The following RCAN2 variants were observed in gnomAD, a reference collection of about 807,000 sequenced individuals.
RCAN2 encodes the protein regulator of calcineurin 2.
A neutral mutation model predicts 23.6 loss-of-function variants in RCAN2; 9 were observed. The observed-to-expected ratio is 0.38, with a 90% CI of 0.23 to 0.67. The LOEUF (loss-of-function observed/expected upper bound fraction) is 0.67, where lower values mean the gene tolerates loss of function less well. Among genes scored for constraint, RCAN2 ranks in the 30% least tolerant of loss-of-function variants. The probability of loss-of-function intolerance (pLI) is 0.51; values close to 1 mark genes in which losing one functional copy is unlikely to be tolerated. For synonymous variants in RCAN2, 109 were observed against 115.7 expected (o/e 0.94, Z 0.37); for missense variants, 273 against 302.3 (o/e 0.90, Z 0.72).
chr6:46,327,528 C>A (rs1318815852), intron 2 of RCAN2, among the ~76,000 whole-genome samples: 1 of 152,168 alleles, frequency 6.6e-6, no homozygotes, highest in Non-Finnish European at 1.5e-5. Flanking sequence ...TACCAGGCAG[C>A]TTTTGAAAAG....
intron 2 of RCAN2, among the ~76,000 whole-genome samples, chr6:46,251,467 C>G (rs920553102): frequency 6.6e-6 from 1 of 152,010 alleles, no homozygotes; most frequent in Non-Finnish European, 1.5e-5. Flanking sequence ...GGACAGAATC[C>G]TTGGGTCTTC....
intron 2 of RCAN2, among the ~76,000 whole-genome samples, chr6:46,335,969 CA>C (rs932849122): frequency 2.7e-4 from 41 of 152,244 alleles, no homozygotes; most frequent in Admixed American, 1.2e-3. Context: ...GTAATTTGCC[CA>C]AGGACAACTA....
At chr6:46,478,441 G>GAA (rs57877040) in intron 1 of RCAN2, among the ~76,000 whole-genome samples, 13 of 151,456 alleles carry the variant, frequency 8.6e-5, no homozygotes, top group African/African-American at 3.1e-4. Flanking sequence ...ATTATGCACA[G>GAA]AAAAAAAAAG....
chr6:46,474,202 G>C (rs1293035073), intron 1 of RCAN2, among the ~76,000 whole-genome samples: 1 of 152,084 alleles, frequency 6.6e-6, no homozygotes, highest in Admixed American at 6.6e-5. Context: ...CAGACATTTA[G>C]AGAAAGGGTA....
At chr6:46,386,639 AAAACTAATGAGAT>A in intron 2 of RCAN2, among the ~76,000 whole-genome samples, 7 of 151,704 alleles carry the variant, frequency 4.6e-5, no homozygotes, top group African/African-American at 1.5e-4. Flanking sequence ...AACTAAACTA[AAAACTAATGAGAT>A]ACCATCTCAC....
intron 4 of RCAN2, among the ~76,000 whole-genome samples, chr6:46,226,101 T>C (rs778927548): frequency 1.3e-5 from 2 of 152,176 alleles, no homozygotes; most frequent in African/African-American, 2.4e-5. Flanking sequence ...GTTGTAGATA[T>C]GTGGTATTGT....
chr6:46,233,503 A>C (rs775901415), intron 4 of RCAN2, among the ~76,000 whole-genome samples: 2 of 152,120 alleles, frequency 1.3e-5, no homozygotes, highest in Admixed American at 6.5e-5. Flanking sequence ...GTCATCCTCA[A>C]ATGAGGAATA....
chr6:46,233,036 G>C (rs1188833379), intron 4 of RCAN2, among the ~76,000 whole-genome samples: 1 of 152,092 alleles, frequency 6.6e-6, no homozygotes, highest in Non-Finnish European at 1.5e-5. Flanking sequence ...ATGGTAAATG[G>C]TAACAGTGCA....
intron 2 of RCAN2, among the ~76,000 whole-genome samples, chr6:46,274,731 A>G (rs1357602249): frequency 1.3e-5 from 2 of 152,240 alleles, no homozygotes; most frequent in Non-Finnish European, 2.9e-5. Context: ...TTGTGTGGAC[A>G]TCTAGGCAGA....
chr6:46,440,893 T>G (rs1767521875), intron 2 of RCAN2, among the ~76,000 whole-genome samples: 2 of 152,178 alleles, frequency 1.3e-5, no homozygotes, highest in African/African-American at 4.8e-5. Context: ...ATAGTTTCCA[T>G]GTGGAAACTG....
chr6:46,298,213 G>A (rs1240045655), intron 2 of RCAN2, among the ~76,000 whole-genome samples: 1 of 152,052 alleles, frequency 6.6e-6, no homozygotes, highest in Non-Finnish European at 1.5e-5. Context: ...ACTTATAAAA[G>A]TACATGTCCT....
chr6:46,394,114 G>A (rs1475385361), intron 2 of RCAN2, among the ~76,000 whole-genome samples: 5 of 152,196 alleles, frequency 3.3e-5, no homozygotes, highest in African/African-American at 9.7e-5. Flanking sequence ...ATACCCAGCA[G>A]TGTCTACTCA....
intron 2 of RCAN2, among the ~76,000 whole-genome samples, chr6:46,331,030 G>A (rs577264454): frequency 2.0e-5 from 3 of 152,078 alleles, no homozygotes; most frequent in East Asian, 1.9e-4. Context: ...GCCTAGGTGC[G>A]TTCATTTATT....
At chr6:46,357,106 C>T (rs980175227) in intron 2 of RCAN2, among the ~76,000 whole-genome samples, 5 of 152,136 alleles carry the variant, frequency 3.3e-5, no homozygotes, top group African/African-American at 1.2e-4. Context: ...GCTGCCATAT[C>T]AGGCTGCCTC....
intron 2 of RCAN2, among the ~76,000 whole-genome samples, chr6:46,340,332 A>G (rs1055193529): frequency 1.9e-5 from 1 of 53,708 alleles, no homozygotes; most frequent in African/African-American, 3.8e-5. Flanking sequence ...TTATGCATAT[A>G]AGAGAGATAA....
Position 46,476,709 on chromosome 6 carries a change from T to C in RCAN2, c.-3+14464A>G, listed in dbSNP as rs77711226. 4.5e-3 allele frequency among the ~76,000 whole-genome samples: 667 copies of C among 146,674 alleles called. 10 individuals carry two copies. The highest frequency in any genetic ancestry group is 0.033 in the Admixed American group (495 of 15,018). ...ATCTTTTGTGAAAATATTTTGTCTT[T>C]TGTTCTAGGTTTTTTAAACAGCTTA... On this transcript the variant is annotated intron_variant, in intron 1 of 4. Transcript: ENST00000371374.
chr6:46,281,163 C>T (rs908210599), intron 2 of RCAN2, among the ~76,000 whole-genome samples: 1 of 152,086 alleles, frequency 6.6e-6, no homozygotes, highest in South Asian at 2.1e-4. Context: ...GCCACAGCTA[C>T]CTAGGAATGG....
intron 2 of RCAN2, among the ~76,000 whole-genome samples, chr6:46,445,512 T>G (rs1767680265): frequency 1.3e-5 from 2 of 152,148 alleles, no homozygotes; most frequent in Admixed American, 6.5e-5. Context: ...TAGAAACTAA[T>G]ACACAGTCAC....
intron 2 of RCAN2, among the ~76,000 whole-genome samples, chr6:46,402,502 T>C (rs1424474796): frequency 5.3e-5 from 8 of 152,074 alleles, no homozygotes; most frequent in African/African-American, 1.9e-4. Flanking sequence ...AACCTAAAAA[T>C]ATTACTCTAA....
Sources: allele counts gnomAD v4.1 joint callset (sites outside exome capture counted in the v4.1 genomes callset), GRCh38; gene constraint gnomAD v4.1.1; transcripts MANE v1.5; gene names NCBI Gene and HGNC (gene_info 2026-07-23, HGNC 2026-07-21).